The following SERGEF variants were observed in gnomAD, a reference collection of about 807,000 sequenced individuals.
The protein encoded by SERGEF is secretion regulating guanine nucleotide exchange factor, also known as secretion-regulating guanine nucleotide exchange factor.
SERGEF carries 51 observed loss-of-function variants against 50.0 expected under a neutral mutation model. The observed-to-expected ratio is 1.02, with a 90% CI of 0.81 to 1.29. The LOEUF is 1.29. Ranked by LOEUF, SERGEF falls within the 50% of genes most tolerant of loss-of-function variation. SERGEF has a pLI of 0.00. For missense variants in SERGEF, 521 were observed against 557.0 expected (o/e 0.94, Z 0.65); for synonymous variants, 205 against 212.4 (o/e 0.97, Z 0.30).
At position 17,963,364 on chromosome 11, in the gene SERGEF, T is replaced by TAA. The variant is rs1174880141; in HGVS notation, c.845-3730_845-3729dup. Among the ~76,000 whole-genome samples the TAA allele has an allele frequency of 5.5e-3, 276 of 49,786 alleles. 1 individual carries two copies. The highest frequency in any genetic ancestry group is 0.02 in the Middle Eastern group (1 of 50). 32.7% of individuals were successfully genotyped at this position (49,786 alleles called of 152,430 possible). ...CCTAAACTTGGTTGCTTACTATTAGTAAAAAAAAAAAAAAAAAAAAAAAAA... is the reference window on the plus strand; with the variant it reads ...CCTAAACTTGGTTGCTTACTATTAGTAAAAAAAAAAAAAAAAAAAAAAAAAAA... On this transcript the variant is annotated intron_variant, in intron 8 of 10. Coordinates refer to ENST00000265965, the MANE Select transcript of SERGEF (RefSeq NM_012139.4).
intron 1 of SERGEF, among the ~76,000 whole-genome samples, chr11:18,011,347 G>T (rs1384561741): frequency 6.6e-6 from 1 of 152,178 alleles, no homozygotes. Context: ...GTCCTTAAAA[G>T]AAGAGACACC....
intron 5 of SERGEF, among the ~76,000 whole-genome samples, chr11:17,996,810 C>T (rs905482096): frequency 1.6e-4 from 24 of 149,850 alleles, no homozygotes; most frequent in African/African-American, 5.7e-4. Flanking sequence ...AAATTGACTT[C>T]GAGAGGAAAA....
At chr11:17,997,917 T>C (rs1392512602) in intron 5 of SERGEF, among the ~76,000 whole-genome samples, 1 of 152,192 alleles carries the variant, frequency 6.6e-6, no homozygotes, top group Non-Finnish European at 1.5e-5. Context: ...GTATAGAGTT[T>C]CAATTTTGCA....
rs536428696 is a variant in SERGEF, at chr11:17,924,733, T to C, written c.1011+34737A>G. ...AAGTGAAGCTGGCCAGCTCAAGAAGTTAGGTAGAAACTGAGTCTCAGAAAA... is the reference window on the plus strand; with the variant it reads ...AAGTGAAGCTGGCCAGCTCAAGAAGCTAGGTAGAAACTGAGTCTCAGAAAA... On this transcript the variant is annotated intron_variant, in intron 9 of 10. Transcript: ENST00000265965. 4.1e-4 allele frequency among the ~76,000 whole-genome samples: 62 copies of C among 151,964 alleles called. No individual in the cohort carries two copies. The South Asian group carries it at 0.013, about 31-fold the overall frequency.
chr11:17,877,971 C>T (rs780496365), intron 10 of SERGEF: 4 of 423,292 alleles, frequency 9.4e-6, no homozygotes, highest in Non-Finnish European at 1.3e-5. Context: ...AATGCCACTT[C>T]CCGGGCAGGG....
At chr11:18,000,039 GC>G (rs1315204615) in intron 5 of SERGEF, among the ~76,000 whole-genome samples, 5 of 152,136 alleles carry the variant, frequency 3.3e-5, no homozygotes, top group Non-Finnish European at 7.3e-5. Context: ...CATGACTTCT[GC>G]CTTATGTTCT....
chr11:17,889,039 A>G (rs1179322473), intron 9 of SERGEF, among the ~76,000 whole-genome samples: 2 of 152,218 alleles, frequency 1.3e-5, no homozygotes, highest in African/African-American at 4.8e-5. Context: ...ATACTGAGCA[A>G]TAGATAGATA....
At chr11:18,001,884 C>T in intron 4 of SERGEF, 1 of 416,584 alleles carries the variant, frequency 2.4e-6, no homozygotes, top group African/African-American at 2.1e-5. Flanking sequence ...TGTTTATTTA[C>T]AGGTCCACAG....
chr11:17,828,245 T>G (rs1850235439), intron 10 of SERGEF, among the ~76,000 whole-genome samples: 1 of 152,220 alleles, frequency 6.6e-6, no homozygotes, highest in African/African-American at 2.4e-5. Flanking sequence ...TGTGGCCTCT[T>G]TCTACCAATC....
At chr11:17,899,867 G>A (rs2133919303) in intron 9 of SERGEF, among the ~76,000 whole-genome samples, 2 of 151,266 alleles carry the variant, frequency 1.3e-5, no homozygotes, top group East Asian at 3.9e-4. Flanking sequence ...GAGGTGGGAG[G>A]ATGGCTTGAG....
At chr11:17,878,381 C>A in intron 9 of SERGEF, 137 bp from the exon 10 acceptor site, 1 of 627,032 alleles carries the variant, frequency 1.6e-6, no homozygotes, top group South Asian at 2.0e-5. Context: ...GCATCACATA[C>A]AAAAGTTAAG....
At chr11:17,796,726 T>C (rs148131887) in intron 10 of SERGEF, among the ~76,000 whole-genome samples, 1 of 152,266 alleles carries the variant, frequency 6.6e-6, no homozygotes, top group East Asian at 1.9e-4. Flanking sequence ...AATTAGTCCA[T>C]CCATCACTCT....
chr11:17,972,667 T>G (rs1380761733), intron 8 of SERGEF, among the ~76,000 whole-genome samples: 1 of 152,186 alleles, frequency 6.6e-6, no homozygotes, highest in Non-Finnish European at 1.5e-5. Flanking sequence ...ATTGCTGTAG[T>G]CTGGGACCAA....
chr11:17,975,113 AT>A (rs2133984348), intron 8 of SERGEF, among the ~76,000 whole-genome samples: 1 of 152,314 alleles, frequency 6.6e-6, no homozygotes, highest in East Asian at 1.9e-4. Flanking sequence ...CCATGATCTT[AT>A]TTGAGCCTCA....
intron 10 of SERGEF, among the ~76,000 whole-genome samples, chr11:17,858,268 G>A (rs1850861852): frequency 6.6e-6 from 1 of 152,036 alleles, no homozygotes; most frequent in Non-Finnish European, 1.5e-5. Flanking sequence ...TTATTATCTG[G>A]CGAAACTGAC....
intron 9 of SERGEF, among the ~76,000 whole-genome samples, chr11:17,910,191 A>ACTCTCTCTCT (rs150069623): frequency 3.2e-4 from 43 of 132,756 alleles, no homozygotes; most frequent in African/African-American, 1.1e-3. Flanking sequence ...ACACACACAC[A>ACTCTCTCTCT]CACTCTCTCT....
intron 9 of SERGEF, among the ~76,000 whole-genome samples, chr11:17,922,167 G>C (rs747771249): frequency 3.9e-5 from 6 of 152,202 alleles, no homozygotes; most frequent in Non-Finnish European, 8.8e-5. Flanking sequence ...GGAGAATAGA[G>C]CATATCACTT....
intron 8 of SERGEF, among the ~76,000 whole-genome samples, chr11:17,978,171 A>G (rs1289171569): frequency 6.6e-6 from 1 of 152,206 alleles, no homozygotes; most frequent in African/African-American, 2.4e-5. Context: ...AAGGGGCTAC[A>G]GCAGTATTAC....
At chr11:17,918,759 G>T (rs1412074979) in intron 9 of SERGEF, 1 of 443,722 alleles carries the variant, frequency 2.3e-6, no homozygotes, top group Non-Finnish European at 4.5e-6. Flanking sequence ...ACTTTCCAAG[G>T]AGATGCCATC....
Sources: gnomAD v4.1 joint callset for allele counts (sites outside exome capture counted in the v4.1 genomes callset) on GRCh38, gnomAD v4.1.1 for gene constraint, MANE v1.5 for transcripts, NCBI Gene and HGNC (gene_info 2026-07-23, HGNC 2026-07-21) for gene names.